Variants in CFAP20DC observed in about 807,000 individuals in gnomAD.
CFAP20DC encodes the protein CFAP20 domain containing, also known as protein CFAP20DC.
CFAP20DC carries 84 observed loss-of-function variants against 101.7 expected under a neutral mutation model. The ratio of observed to expected loss-of-function variants is 0.83; its 90% CI spans 0.69 to 0.99. The LOEUF (loss-of-function observed/expected upper bound fraction) is 0.99. CFAP20DC is among the 50% of genes least tolerant of loss of function. CFAP20DC has a pLI of 0.00. For missense variants in CFAP20DC, 1,007 were observed against 970.3 expected (o/e 1.04, Z -0.50); for synonymous variants, 359 against 351.2 (o/e 1.02, Z -0.25).
intron 15 of CFAP20DC, among the ~76,000 whole-genome samples, chr3:58,776,761 A>T (rs1367239456): frequency 1.3e-5 from 2 of 151,738 alleles, no homozygotes; most frequent in African/African-American, 4.8e-5. Flanking sequence ...AAGAGGATTG[A>T]GGGAAAAAAT....
chr3:58,962,858 C>T lies in CFAP20DC; in HGVS notation c.279-25096G>A, dbSNP rs74905350. Among the ~76,000 whole-genome samples, 552 of 152,122 alleles carry T rather than the reference C, an allele frequency of 3.6e-3. 7 individuals are homozygous for T. The highest frequency in any genetic ancestry group is 0.012 in the African/African-American group (488 of 41,508). On this transcript the variant is annotated intron_variant, in intron 4 of 16. Coordinates refer to ENST00000482387, the MANE Select transcript of CFAP20DC (RefSeq NM_001394063.1). ...CGTAGCTTCCTGACCCCCAGGGATACGCAGGTACTTATTAAAGCTCAGTAT... is the reference window on the plus strand; with the variant it reads ...CGTAGCTTCCTGACCCCCAGGGATATGCAGGTACTTATTAAAGCTCAGTAT...
At chr3:59,036,133 T>C (rs2094098587) in intron 4 of CFAP20DC, among the ~76,000 whole-genome samples, 1 of 152,204 alleles carries the variant, frequency 6.6e-6, no homozygotes. Context: ...AAACTAGGTA[T>C]TGATGGAATG....
intron 4 of CFAP20DC, among the ~76,000 whole-genome samples, chr3:58,959,106 T>C (rs2090906229): frequency 6.6e-6 from 1 of 152,202 alleles, no homozygotes; most frequent in African/African-American, 2.4e-5. Context: ...TTTTTTTCTC[T>C]TTTTTGAGAT....
At chr3:58,780,276 T>C (rs934811445) in intron 15 of CFAP20DC, among the ~76,000 whole-genome samples, 1 of 151,906 alleles carries the variant, frequency 6.6e-6, no homozygotes, top group Non-Finnish European at 1.5e-5. Flanking sequence ...CACACAAATA[T>C]ATAAAAAACA....
At chr3:59,027,880 T>C (rs541891040) in intron 4 of CFAP20DC, among the ~76,000 whole-genome samples, 1 of 152,322 alleles carries the variant, frequency 6.6e-6, no homozygotes, top group East Asian at 1.9e-4. Flanking sequence ...ATAAAATAAA[T>C]GTTAAAACCT....
chr3:58,855,086 A>G (rs1160168942), intron 12 of CFAP20DC, among the ~76,000 whole-genome samples: 1 of 150,630 alleles, frequency 6.6e-6, no homozygotes, highest in Admixed American at 6.6e-5. Flanking sequence ...CAACCTACTC[A>G]TCTGACAAAG....
chr3:58,758,316 C>T (rs1316558674), intron 15 of CFAP20DC, among the ~76,000 whole-genome samples: 3 of 152,076 alleles, frequency 2.0e-5, no homozygotes, highest in African/African-American at 4.8e-5. Flanking sequence ...CATGCTTTCC[C>T]CTACATAAGC....
At chr3:59,026,253 T>A (rs887783141) in intron 4 of CFAP20DC, among the ~76,000 whole-genome samples, 5 of 152,160 alleles carry the variant, frequency 3.3e-5, no homozygotes, top group African/African-American at 1.2e-4. Context: ...ATTAATGAAA[T>A]GTTATTACCA....
intron 3 of CFAP20DC, among the ~76,000 whole-genome samples, chr3:59,044,907 A>G (rs1048707644): frequency 6.6e-6 from 1 of 152,014 alleles, no homozygotes; most frequent in Non-Finnish European, 1.5e-5. Flanking sequence ...ACAGTTTCAG[A>G]CAGGTTTCCC....
At chr3:58,800,545 C>T (rs2073611867) in intron 15 of CFAP20DC, among the ~76,000 whole-genome samples, 1 of 152,086 alleles carries the variant, frequency 6.6e-6, no homozygotes, top group African/African-American at 2.4e-5. Flanking sequence ...GGATTTTAGG[C>T]ATGATGGCAG....
intron 6 of CFAP20DC, among the ~76,000 whole-genome samples, chr3:58,911,055 A>G (rs1331589705): frequency 1.3e-5 from 2 of 152,160 alleles, no homozygotes; most frequent in Admixed American, 6.6e-5. Context: ...TTATGAATGG[A>G]AACTATAAAA....
At chr3:59,042,128 C>T (rs1055395488) in intron 3 of CFAP20DC, among the ~76,000 whole-genome samples, 3 of 152,090 alleles carry the variant, frequency 2.0e-5, no homozygotes, top group Admixed American at 1.3e-4. Flanking sequence ...GGGATGAATA[C>T]ACAGGAATTG....
chr3:58,917,321 T>C (rs755670303), intron 5 of CFAP20DC, among the ~76,000 whole-genome samples: 92 of 152,248 alleles, frequency 6.0e-4, no homozygotes, highest in Middle Eastern at 3.4e-3. Context: ...TTCTGGTGCA[T>C]GAAATAATAA....
chr3:58,808,342 C>G (rs900101306), intron 14 of CFAP20DC, among the ~76,000 whole-genome samples: 2 of 152,182 alleles, frequency 1.3e-5, no homozygotes, highest in Non-Finnish European at 2.9e-5. Context: ...CAAAGGGAAG[C>G]CCATCAGACT....
chr3:58,801,077 G>A (rs2073665920), intron 15 of CFAP20DC, among the ~76,000 whole-genome samples: 1 of 151,052 alleles, frequency 6.6e-6, no homozygotes, highest in South Asian at 2.1e-4. Context: ...GAGAGAGAAA[G>A]TGAGAGAGAG....
chr3:59,033,940 C>A (rs899273695), intron 4 of CFAP20DC, among the ~76,000 whole-genome samples: 10 of 152,158 alleles, frequency 6.6e-5, no homozygotes, highest in African/African-American at 2.2e-4. Flanking sequence ...ATGTTAAGGG[C>A]AGCCAGAGAG....
chr3:58,771,498 G>A (rs563350053), intron 15 of CFAP20DC, among the ~76,000 whole-genome samples: 1 of 152,120 alleles, frequency 6.6e-6, no homozygotes, highest in South Asian at 2.1e-4. Context: ...TCAAAATAAC[G>A]TTATAAGGGG....
intron 7 of CFAP20DC, among the ~76,000 whole-genome samples, chr3:58,873,493 G>C (rs534856922): frequency 6.7e-6 from 1 of 149,284 alleles, no homozygotes; most frequent in South Asian, 2.2e-4. Context: ...TATGCTGGAT[G>C]CTGTCAGGCA....
intron 4 of CFAP20DC, among the ~76,000 whole-genome samples, chr3:58,978,791 G>A (rs577848729): frequency 2.6e-5 from 4 of 152,098 alleles, no homozygotes; most frequent in African/African-American, 9.6e-5. Flanking sequence ...TGGACTTGGG[G>A]CTTCCTACCA....
Sources: allele counts gnomAD v4.1 joint callset (sites outside exome capture counted in the v4.1 genomes callset), GRCh38; gene constraint gnomAD v4.1.1; transcripts MANE v1.5; gene names NCBI Gene and HGNC (gene_info 2026-07-23, HGNC 2026-07-21).